Variants in ZMIZ1 observed in about 807,000 individuals in gnomAD.
ZMIZ1 encodes zinc finger MIZ domain-containing protein 1.
Under a neutral mutation model 113.9 loss-of-function variants are expected in ZMIZ1, and 17 were observed. That is an observed-to-expected ratio of 0.15 (90% CI 0.10 to 0.22). The LOEUF (loss-of-function observed/expected upper bound fraction) is 0.22. Among genes scored for constraint, ZMIZ1 ranks in the 10% least tolerant of loss-of-function variants. ZMIZ1 has a pLI of 1.00. For synonymous variants in ZMIZ1, 607 were observed against 603.1 expected, an observed-to-expected ratio of 1.01 and a Z score of -0.09; for missense variants, 1,059 against 1,477.8, an observed-to-expected ratio of 0.72 and a Z score of 4.65.
intron 1 of ZMIZ1, among the ~76,000 whole-genome samples, chr10:79,086,806 A>G (rs1842829183): frequency 6.6e-6 from 1 of 151,980 alleles, no homozygotes; most frequent in Non-Finnish European, 1.5e-5. Context: ...CTCTGTGTCC[A>G]GGACTGATTC....
chr10:79,304,236 G>C, intron 19 of ZMIZ1, 61 bp downstream of exon 19: 2 of 1,573,000 alleles, frequency 1.3e-6, no homozygotes, highest in South Asian at 1.2e-5. Flanking sequence ...GGGATGGTGA[G>C]GGGTAGGCAG....
chr10:79,080,916 G>A (rs552556013), intron 1 of ZMIZ1, among the ~76,000 whole-genome samples: 8 of 152,168 alleles, frequency 5.3e-5, no homozygotes, highest in Non-Finnish European at 1.2e-4. Context: ...GGCTCTGGAT[G>A]CTCCTATTTC....
intron 4 of ZMIZ1, among the ~76,000 whole-genome samples, chr10:79,197,611 T>C (rs2486694): frequency 0.33 from 29,344 of 88,468 alleles, 3,836 homozygotes; most frequent in East Asian, 0.46. Context: ...CACACACACA[T>C]ACACACACAC....
At chr10:79,111,630 G>T (rs190782819) in intron 1 of ZMIZ1, among the ~76,000 whole-genome samples, 1 of 152,182 alleles carries the variant, frequency 6.6e-6, no homozygotes, top group South Asian at 2.1e-4. Flanking sequence ...CCAGCTACTC[G>T]GAGATCTTGA....
intron 3 of ZMIZ1, among the ~76,000 whole-genome samples, chr10:79,148,913 T>G (rs1447826467): frequency 2.6e-5 from 4 of 152,324 alleles, no homozygotes; most frequent in African/African-American, 9.6e-5. Context: ...AGCATCAAGC[T>G]GGGTCTGTAC....
intron 7 of ZMIZ1, among the ~76,000 whole-genome samples, chr10:79,228,700 C>T (rs1033361876): frequency 5.3e-5 from 8 of 152,340 alleles, no homozygotes; most frequent in African/African-American, 1.9e-4. Context: ...CCCCTCCTTG[C>T]CTCCACCATT....
At position 79,315,966 on chromosome 10, in the gene ZMIZ1, A is replaced by C. The variant is rs1855511255; in HGVS notation, c.*3217A>C. On this transcript the variant is annotated 3_prime_UTR_variant, in exon 25 of 25. Coordinates refer to ENST00000334512, the MANE Select transcript of ZMIZ1 (RefSeq NM_020338.4). The stretch of plus-strand genomic sequence containing the variant: ...TCTCTCGCTCATGTAATATACTCTG[A>C]CCCTGAGTGGAAAGGGGTTTTTGTT... 6.6e-6 allele frequency: 1 copy of C among 152,654 alleles called. No individual in the cohort carries two copies. The highest frequency in any genetic ancestry group is 1.5e-5 in the Non-Finnish European group (1 of 68,040). 9.5% of individuals were successfully genotyped at this position (152,654 alleles called of 1,614,324 possible).
At chr10:79,097,570 T>G (rs1288719028) in intron 1 of ZMIZ1, among the ~76,000 whole-genome samples, 2 of 152,208 alleles carry the variant, frequency 1.3e-5, no homozygotes, top group African/African-American at 2.4e-5. Flanking sequence ...TTGGACTGTT[T>G]CCCCAGTAAT....
chr10:79,189,891 C>T (rs1006033443), intron 4 of ZMIZ1, among the ~76,000 whole-genome samples: 10 of 152,176 alleles, frequency 6.6e-5, no homozygotes, highest in South Asian at 2.1e-4. Context: ...GCTCTTGGGC[C>T]GAGGTGGCTC....
At chr10:79,081,189 A>AT (rs35720641) in intron 1 of ZMIZ1, among the ~76,000 whole-genome samples, 60,367 of 151,950 alleles carry the variant, frequency 0.4, 12,412 homozygotes, top group South Asian at 0.46. Flanking sequence ...AATGTGGTGA[A>AT]TTGGTCCTCA....
intron 7 of ZMIZ1, among the ~76,000 whole-genome samples, chr10:79,240,229 G>GC (rs1849761204): frequency 6.6e-6 from 1 of 152,244 alleles, no homozygotes; most frequent in African/African-American, 2.4e-5. Context: ...CTGGGGCTAT[G>GC]CCCCCCTTGC....
At chr10:79,200,155 G>A (rs550356550) in intron 4 of ZMIZ1, among the ~76,000 whole-genome samples, 66 of 152,344 alleles carry the variant, frequency 4.3e-4, no homozygotes, top group African/African-American at 1.6e-3. Flanking sequence ...AGTGGGGAGT[G>A]CGACAGAGTA....
At chr10:79,254,884 GGCC>G (rs1453064642) in intron 7 of ZMIZ1, among the ~76,000 whole-genome samples, 1 of 152,192 alleles carries the variant, frequency 6.6e-6, no homozygotes, top group Non-Finnish European at 1.5e-5. Context: ...ATTGCCCGAT[GGCC>G]CCCATCCACT....
At chr10:79,081,576 C>T (rs185678193) in intron 1 of ZMIZ1, among the ~76,000 whole-genome samples, 24 of 152,308 alleles carry the variant, frequency 1.6e-4, no homozygotes, top group Admixed American at 1.3e-3. Flanking sequence ...CAGCCAGAGC[C>T]CCCTCACTGG....
intron 7 of ZMIZ1, among the ~76,000 whole-genome samples, chr10:79,259,379 G>T (rs1851115725): frequency 6.6e-6 from 1 of 152,074 alleles, no homozygotes; most frequent in Non-Finnish European, 1.5e-5. Context: ...TCGCTGCACA[G>T]TCTTGAGGAG....
At chr10:79,277,885 T>C (rs1159245945) in intron 8 of ZMIZ1, among the ~76,000 whole-genome samples, 2 of 152,244 alleles carry the variant, frequency 1.3e-5, no homozygotes, top group Non-Finnish European at 1.5e-5. Flanking sequence ...GTTAATTATC[T>C]TTTGAGTCCC....
chr10:79,137,502 C>T (rs1464481411), intron 2 of ZMIZ1, among the ~76,000 whole-genome samples: 5 of 152,316 alleles, frequency 3.3e-5, no homozygotes, highest in South Asian at 2.1e-4. Context: ...CACTCCCCCT[C>T]GGTATGTGCC....
chr10:79,301,571 A>G (rs1452730087), intron 17 of ZMIZ1, among the ~76,000 whole-genome samples: 1 of 152,062 alleles, frequency 6.6e-6, no homozygotes, highest in Non-Finnish European at 1.5e-5. Context: ...AGGCATGGAG[A>G]AGGAAACACT....
In ZMIZ1 at chr10:79,244,958, C is replaced by T. The variant is rs952767802; in HGVS notation, c.280+28684C>T. 2.6e-5 allele frequency among the ~76,000 whole-genome samples: 4 copies of T among 152,330 alleles called. No individual in the cohort carries two copies. The South Asian group carries it at 6.2e-4, about 24-fold the overall frequency. Reference sequence around the variant, plus strand: ...GTGGAAGGGTGACTCTTGGAGTCCACGTGGCTCCTAACAAGCCTTTCCCCT... The same window carrying T: ...GTGGAAGGGTGACTCTTGGAGTCCATGTGGCTCCTAACAAGCCTTTCCCCT... On this transcript the variant is annotated intron_variant, in intron 7 of 24. Transcript: ENST00000334512.
Sources: allele counts gnomAD v4.1 joint callset (sites outside exome capture counted in the v4.1 genomes callset), GRCh38; gene constraint gnomAD v4.1.1; transcripts MANE v1.5; gene names NCBI Gene and HGNC (gene_info 2026-07-23, HGNC 2026-07-21).